The following CILK1 variants were observed in gnomAD, a reference collection of about 807,000 sequenced individuals.
CILK1 encodes ciliogenesis associated kinase 1, also known as serine/threonine-protein kinase ICK.
In CILK1, 47 loss-of-function variants were observed where a neutral mutation model predicts 79.2. That is an observed-to-expected ratio of 0.59 (90% CI 0.47 to 0.76). The LOEUF is 0.76. Among genes scored for constraint, CILK1 ranks in the 30% least tolerant of loss-of-function variants. The pLI is 0.00. For missense variants in CILK1, 660 were observed against 769.5 expected, an observed-to-expected ratio of 0.86 and a Z score of 1.68; for synonymous variants, 266 against 275.9, an observed-to-expected ratio of 0.96 and a Z score of 0.36.
At chr6:53,041,796 T>C (rs867469414) in intron 1 of CILK1, among the ~76,000 whole-genome samples, 76 of 152,168 alleles carry the variant, frequency 5.0e-4, no homozygotes, top group African/African-American at 1.8e-3. Flanking sequence ...GAATGTGCCC[T>C]GCAATTGGTG....
intron 1 of CILK1, chr6:53,057,796 T>C (rs1768026536): frequency 6.6e-6 from 1 of 152,214 alleles, no homozygotes; most frequent in Non-Finnish European, 1.5e-5. Context: ...GAATACTTGC[T>C]ATCTTCAGAG....
rs559116599 is a variant in CILK1, at chr6:53,041,207, G to A, written c.30C>T (p.Leu10=). 3.8e-5 allele frequency: 62 copies of A among 1,613,792 alleles called. 1 individual carries two copies. The South Asian group carries it at 5.4e-4, about 14-fold the overall frequency. ...GGACGGAACCGTAGGTTCCATCCCC[G>A]AGCTGCCTGATTGTTGTGTATCTAT... MNRYTTIRQ[L]GDGTYGSVLL... is the part of the protein sequence containing the mutation. The change falls in exon 2 of 14, where the codon CTC becomes CTT. Residue 10 remains leucine, a synonymous_variant. Transcript: ENST00000676107.
intron 5 of CILK1, among the ~76,000 whole-genome samples, chr6:53,027,944 G>A (rs1303218712): frequency 6.6e-6 from 1 of 152,124 alleles, no homozygotes; most frequent in Non-Finnish European, 1.5e-5. Context: ...TCAGGAGATC[G>A]AGAACATCCT....
chr6:53,026,245 A>G (rs1448235867), intron 5 of CILK1, among the ~76,000 whole-genome samples: 5 of 152,096 alleles, frequency 3.3e-5, no homozygotes, highest in African/African-American at 1.2e-4. Context: ...GCTCACTGCA[A>G]CCTTTGCCTC....
At chr6:53,052,704 C>T (rs1767567024) in intron 1 of CILK1, among the ~76,000 whole-genome samples, 1 of 151,364 alleles carries the variant, frequency 6.6e-6, no homozygotes, top group Non-Finnish European at 1.5e-5. Flanking sequence ...GTACTCCACC[C>T]TGGGACAGAG....
rs1394945081 is a variant in CILK1, at chr6:53,002,594, C to T, written c.*2555G>A. On this transcript the variant is annotated 3_prime_UTR_variant, in exon 14 of 14. Transcript: ENST00000676107. ...CATAGGTTTTTTTACACAATTTGTC[C>T]TTTACCCATTTCAGAGAAGGGGAGG... The T allele has an allele frequency of 1.3e-5, 2 of 152,150 alleles. No individual in the cohort carries two copies. The highest frequency in any genetic ancestry group is 2.9e-5 in the Non-Finnish European group (2 of 68,030). 9.4% of individuals were successfully genotyped at this position (152,150 alleles called of 1,614,324 possible).
chr6:53,051,288 T>C (rs1767466165), intron 1 of CILK1, among the ~76,000 whole-genome samples: 1 of 152,226 alleles, frequency 6.6e-6, no homozygotes, highest in Non-Finnish European at 1.5e-5. Context: ...CTATACAAAG[T>C]TTTCCTTGTC....
At chr6:53,017,708 T>C (rs1296015676) in intron 7 of CILK1, among the ~76,000 whole-genome samples, 2 of 152,130 alleles carry the variant, frequency 1.3e-5, no homozygotes, top group African/African-American at 2.4e-5. Context: ...CAGTCTGTAA[T>C]GGCAGCAGTG....
At chr6:53,035,146 G>T (rs895229114) in intron 3 of CILK1, among the ~76,000 whole-genome samples, 1 of 152,164 alleles carries the variant, frequency 6.6e-6, no homozygotes, top group African/African-American at 2.4e-5. Flanking sequence ...TGCCTGACTT[G>T]ATGAGGTTGA....
chr6:53,037,017 C>T (rs529233103), intron 3 of CILK1, among the ~76,000 whole-genome samples: 1 of 152,130 alleles, frequency 6.6e-6, no homozygotes, highest in Non-Finnish European at 1.5e-5. Flanking sequence ...TGGCCCTTTA[C>T]AGAAAACGTT....
rs140225032 is a variant in CILK1, at chr6:53,028,820, AGTGTGT to A, written c.358+2239_358+2244del. 1.7e-3 allele frequency among the ~76,000 whole-genome samples: 249 copies of A among 148,844 alleles called. 1 individual carries two copies. Among genetic ancestry groups the A allele is most frequent in the African/African-American group, 5.9e-3 (241 of 40,664 alleles). ...GATGCTAAATTATGTACTACAGATGAGTGTGTGTGTGTGTGTGTGTGTGTAAGATGA... is the reference window on the plus strand; with the variant it reads ...GATGCTAAATTATGTACTACAGATGAGTGTGTGTGTGTGTGTGTAAGATGA... On this transcript the variant is annotated intron_variant, in intron 5 of 13. Coordinates refer to ENST00000676107, the MANE Select transcript of CILK1 (RefSeq NM_014920.5).
intron 1 of CILK1, among the ~76,000 whole-genome samples, chr6:53,058,449 T>G (rs1011789504): frequency 3.3e-5 from 5 of 152,186 alleles, no homozygotes; most frequent in African/African-American, 1.2e-4. Flanking sequence ...CACATGTGCT[T>G]TTATAAGGAA....
chr6:53,007,646 C>A (rs562163244), intron 12 of CILK1, among the ~76,000 whole-genome samples: 12 of 152,140 alleles, frequency 7.9e-5, no homozygotes, highest in African/African-American at 2.9e-4. Context: ...AATGTTGACT[C>A]TGGCTGGGCA....
intron 6 of CILK1, 35 bp downstream of exon 6, chr6:53,019,192 T>C: frequency 1.3e-6 from 2 of 1,574,816 alleles, no homozygotes; most frequent in Non-Finnish European, 1.7e-6. Flanking sequence ...TTTAAAGAAG[T>C]GCAATTAAAT....
At chr6:53,031,801 T>C (rs2127438796) in intron 4 of CILK1, among the ~76,000 whole-genome samples, 1 of 152,284 alleles carries the variant, frequency 6.6e-6, no homozygotes, top group Middle Eastern at 3.4e-3. Flanking sequence ...AAAACTGCAA[T>C]GTCTATTAAG....
At chr6:53,052,695 T>C (rs1217557421) in intron 1 of CILK1, among the ~76,000 whole-genome samples, 2 of 151,118 alleles carry the variant, frequency 1.3e-5, no homozygotes, top group Admixed American at 6.6e-5. Flanking sequence ...CGCACCACTG[T>C]ACTCCACCCT....
At chr6:53,014,547 CTTAAAG>C (rs1165240528) in intron 8 of CILK1, among the ~76,000 whole-genome samples, 3 of 152,176 alleles carry the variant, frequency 2.0e-5, no homozygotes, top group Non-Finnish European at 4.4e-5. Context: ...CAAGAGATAA[CTTAAAG>C]TTTAGGGGGT....
At chr6:53,056,774 T>C (rs1331454151) in intron 1 of CILK1, among the ~76,000 whole-genome samples, 1 of 152,188 alleles carries the variant, frequency 6.6e-6, no homozygotes, top group East Asian at 1.9e-4. Context: ...AACTAATGAA[T>C]GAACAACTTA....
At chr6:53,022,578 T>C (rs1229658692) in intron 5 of CILK1, among the ~76,000 whole-genome samples, 4 of 152,214 alleles carry the variant, frequency 2.6e-5, no homozygotes, top group African/African-American at 9.6e-5. Context: ...AACAAAATTG[T>C]CTAACAACAC....
Sources: allele counts gnomAD v4.1 joint callset (sites outside exome capture counted in the v4.1 genomes callset), GRCh38; gene constraint gnomAD v4.1.1; transcripts MANE v1.5; gene names NCBI Gene and HGNC (gene_info 2026-07-23, HGNC 2026-07-21).